Variants in ZNF385D observed in about 807,000 individuals in gnomAD.
ZNF385D encodes zinc finger protein 385D.
Under a neutral mutation model 35.8 loss-of-function variants are expected in ZNF385D, and 15 were observed. The observed-to-expected ratio is 0.42, with a 90% confidence interval of 0.28 to 0.64. The LOEUF (loss-of-function observed/expected upper bound fraction) is 0.64. ZNF385D is among the 30% of genes least tolerant of loss of function. The pLI, the probability that ZNF385D is intolerant of heterozygous loss-of-function variation, is 0.23. For missense variants in ZNF385D, 474 were observed against 494.6 expected (o/e 0.96, Z 0.39); for synonymous variants, 212 against 186.8 (o/e 1.13, Z -1.10).
chr3:21,531,590 C>T (rs1040515679), intron 3 of ZNF385D, among the ~76,000 whole-genome samples: 1 of 152,080 alleles, frequency 6.6e-6, no homozygotes. Context: ...AAGTAATGAG[C>T]CATCAAGCCA....
chr3:21,945,428 A>G (rs1299438900), intron 3 of ZNF385D, among the ~76,000 whole-genome samples: 2 of 152,146 alleles, frequency 1.3e-5, no homozygotes, highest in African/African-American at 4.8e-5. Context: ...CAAACATTTT[A>G]AGCCTGGTTT....
At chr3:22,037,676 G>C (rs1698422822) in intron 3 of ZNF385D, among the ~76,000 whole-genome samples, 1 of 152,010 alleles carries the variant, frequency 6.6e-6, no homozygotes, top group East Asian at 1.9e-4. Context: ...CACTCTGATG[G>C]TAGTTTCTTT....
At chr3:22,325,876 T>C (rs1252699030) in intron 2 of ZNF385D, among the ~76,000 whole-genome samples, 4 of 152,244 alleles carry the variant, frequency 2.6e-5, no homozygotes, top group South Asian at 4.1e-4. Context: ...TACAAATGTC[T>C]TAAGAGGTGG....
chr3:21,604,782 C>A (rs62237370), intron 2 of ZNF385D, among the ~76,000 whole-genome samples: 1 of 152,196 alleles, frequency 6.6e-6, no homozygotes, highest in East Asian at 1.9e-4. Context: ...ATAGGAAACT[C>A]TCCAAAGAAA....
chr3:22,221,579 C>T (rs947123135), intron 2 of ZNF385D, among the ~76,000 whole-genome samples: 1 of 152,074 alleles, frequency 6.6e-6, no homozygotes, highest in Non-Finnish European at 1.5e-5. Flanking sequence ...TTTATATCAT[C>T]GGGGTTTCTC....
rs973656847 is a variant in ZNF385D, at chr3:22,325,110, A to G, written c.106+47340T>C. 3.3e-5 allele frequency among the ~76,000 whole-genome samples: 5 copies of G among 152,262 alleles called. No individual in the cohort carries two copies. The East Asian group carries it at 7.7e-4, about 23-fold the overall frequency. On this transcript the variant is annotated intron_variant, in intron 2 of 5. Coordinates refer to the ZNF385D transcript ENST00000494108. ...ACAGAGTGCTATATAAAGTGTAATT[A>G]TGTATATTACCACAATAAATACTAC...
intron 2 of ZNF385D, among the ~76,000 whole-genome samples, chr3:22,226,465 G>A (rs78481852): frequency 0.016 from 2,483 of 152,254 alleles, 49 homozygotes; most frequent in South Asian, 0.1. Flanking sequence ...TTGACAAGTT[G>A]TCTTCCAAAG....
chr3:21,803,203 CAG>C, intron 3 of ZNF385D, among the ~76,000 whole-genome samples: 1 of 152,174 alleles, frequency 6.6e-6, no homozygotes, highest in Admixed American at 6.6e-5. Context: ...GTAGTCATCA[CAG>C]AGAGTGGCAG....
At chr3:21,581,948 C>T (rs1319883571) in intron 2 of ZNF385D, among the ~76,000 whole-genome samples, 1 of 152,076 alleles carries the variant, frequency 6.6e-6, no homozygotes, top group East Asian at 1.9e-4. Flanking sequence ...ATAGAATCAC[C>T]TTTCTTAGAT....
chr3:21,806,126 C>T (rs1878012), intron 3 of ZNF385D, among the ~76,000 whole-genome samples: 1 of 151,840 alleles, frequency 6.6e-6, no homozygotes, highest in Admixed American at 6.6e-5. Flanking sequence ...GCTTGCCTGC[C>T]GGACTACCTG....
intron 3 of ZNF385D, among the ~76,000 whole-genome samples, chr3:21,843,804 G>A (rs1372985828): frequency 1.3e-5 from 2 of 151,842 alleles, no homozygotes; most frequent in Non-Finnish European, 2.9e-5. Flanking sequence ...CAATTCAAAG[G>A]GTCCCAGGTG....
chr3:22,270,910 AC>A (rs1701143794), intron 2 of ZNF385D, among the ~76,000 whole-genome samples: 1 of 152,016 alleles, frequency 6.6e-6, no homozygotes, highest in African/African-American at 2.4e-5. Flanking sequence ...CAAACTTCTT[AC>A]TGTGTTCATG....
At chr3:22,368,009 A>G (rs533921108) in intron 2 of ZNF385D, among the ~76,000 whole-genome samples, 11 of 152,346 alleles carry the variant, frequency 7.2e-5, no homozygotes, top group South Asian at 2.1e-4. Flanking sequence ...ATAACTTGCA[A>G]GGAAGGAAAA....
In ZNF385D at chr3:22,000,077, G is replaced by A. The variant is rs534666107; in HGVS notation, c.325+168740C>T. On this transcript the variant is annotated intron_variant, in intron 3 of 5. Coordinates refer to the ZNF385D transcript ENST00000494108. ...TTCCAGCACTTTGGGAGGCCGAGGC[G>A]GGCAGATCATGAGCTCAGGAGATCA... Among the ~76,000 whole-genome samples, 8 of 152,100 alleles carry A rather than the reference G, an allele frequency of 5.3e-5. No homozygotes were observed. In the South Asian group the frequency reaches 1.2e-3, roughly 24 times the overall value.
intron 2 of ZNF385D, among the ~76,000 whole-genome samples, chr3:21,592,624 A>G (rs1480255382): frequency 6.6e-6 from 1 of 152,150 alleles, no homozygotes; most frequent in Admixed American, 6.5e-5. Flanking sequence ...AAGAGAACAA[A>G]AAAAATCTAT....
At chr3:21,471,455 T>C (rs1361611994) in intron 4 of ZNF385D, among the ~76,000 whole-genome samples, 1 of 152,056 alleles carries the variant, frequency 6.6e-6, no homozygotes, top group Non-Finnish European at 1.5e-5. Flanking sequence ...CATTAATACA[T>C]AATCCCTAAA....
At chr3:22,180,100 G>A (rs1695130014) in intron 2 of ZNF385D, among the ~76,000 whole-genome samples, 1 of 151,980 alleles carries the variant, frequency 6.6e-6, no homozygotes, top group Admixed American at 6.6e-5. Flanking sequence ...AATGATAAAG[G>A]GGATATAACC....
chr3:21,904,108 T>C (rs1027528769), intron 3 of ZNF385D, among the ~76,000 whole-genome samples: 7 of 151,774 alleles, frequency 4.6e-5, no homozygotes, highest in Admixed American at 1.3e-4. Flanking sequence ...CTTGAGACCA[T>C]CCTGGACAAC....
At chr3:22,189,370 C>G (rs1477877989) in intron 2 of ZNF385D, among the ~76,000 whole-genome samples, 2 of 152,124 alleles carry the variant, frequency 1.3e-5, no homozygotes, top group Non-Finnish European at 2.9e-5. Flanking sequence ...GACAAGGAAA[C>G]CAAACTAACC....
Sources: allele counts gnomAD v4.1 joint callset (sites outside exome capture counted in the v4.1 genomes callset), GRCh38; gene constraint gnomAD v4.1.1; transcripts MANE v1.5; gene names NCBI Gene and HGNC (gene_info 2026-07-23, HGNC 2026-07-21).